DPP6: variants seen among roughly 807,000 people sequenced by gnomAD.
DPP6 encodes the protein dipeptidyl peptidase like 6.
A neutral mutation model predicts 122.6 loss-of-function variants in DPP6; 69 were observed. The observed-to-expected ratio is 0.56, with a 90% CI of 0.46 to 0.69. DPP6 has a LOEUF of 0.69. Ranked by LOEUF, DPP6 falls within the 30% of genes least tolerant of loss-of-function variation. The pLI is 0.00. For missense variants in DPP6, 928 were observed against 1,116.9 expected, an observed-to-expected ratio of 0.83 and a Z score of 2.41; for synonymous variants, 418 against 433.1, an observed-to-expected ratio of 0.97 and a Z score of 0.43.
intron 1 of DPP6, among the ~76,000 whole-genome samples, chr7:154,372,974 C>T (rs961845189): frequency 1.3e-5 from 2 of 152,306 alleles, no homozygotes; most frequent in Non-Finnish European, 2.9e-5. Context: ...AAATGGAGTT[C>T]GCGTCTCTTC....
intron 1 of DPP6, among the ~76,000 whole-genome samples, chr7:154,337,330 C>T (rs1256890158): frequency 1.3e-5 from 2 of 152,200 alleles, no homozygotes; most frequent in African/African-American, 2.4e-5. Flanking sequence ...CCTAAATTAT[C>T]CCTATTCTTT....
chr7:153,825,994 A>C, the DPP6 span, among the ~76,000 whole-genome samples: 1 of 152,212 alleles, frequency 6.6e-6, no homozygotes, highest in Non-Finnish European at 1.5e-5. Flanking sequence ...GTAAATTGTT[A>C]AGCATGCTTG....
chr7:154,008,625 A>G (rs1004909590), intron 1 of DPP6, among the ~76,000 whole-genome samples: 32 of 151,770 alleles, frequency 2.1e-4, no homozygotes, highest in African/African-American at 5.8e-4. Flanking sequence ...GGCAGCTGCA[A>G]TAAGTACAGT....
At chr7:153,994,970 T>G (rs1797355808) in intron 1 of DPP6, among the ~76,000 whole-genome samples, 1 of 152,230 alleles carries the variant, frequency 6.6e-6, no homozygotes, top group South Asian at 2.1e-4. Flanking sequence ...TGAGTTTGTC[T>G]TCTCAATATG....
intron 1 of DPP6, among the ~76,000 whole-genome samples, chr7:154,071,583 T>TA (rs1382337530): frequency 1.3e-5 from 2 of 152,014 alleles, no homozygotes; most frequent in Non-Finnish European, 2.9e-5. Flanking sequence ...AATTAGGCGA[T>TA]AAGCCAGTTG....
Position 154,793,418 on chromosome 7 carries a change from T to C in DPP6, c.1137-661T>C, listed in dbSNP as rs947737341. ...AAGCCCCGGTACCCCTCGGGCTAAG[T>C]AGAGAGCCGCACAGAGCCTGTGGTA... On this transcript the variant is annotated intron_variant, in intron 10 of 25. Transcript: ENST00000377770. 4.6e-5 allele frequency among the ~76,000 whole-genome samples: 7 copies of C among 152,084 alleles called. No individual in the cohort carries two copies. In the South Asian group the frequency reaches 1.4e-3, roughly 31 times the overall value.
At chr7:154,354,275 A>C (rs146860976) in intron 1 of DPP6, among the ~76,000 whole-genome samples, 2 of 152,346 alleles carry the variant, frequency 1.3e-5, no homozygotes, top group East Asian at 3.9e-4. Context: ...TAGTAATAAT[A>C]GCCAACATTT....
chr7:153,951,326 G>A (rs934505695), intron 1 of DPP6, among the ~76,000 whole-genome samples: 2 of 152,190 alleles, frequency 1.3e-5, no homozygotes, highest in African/African-American at 4.8e-5. Context: ...GGGGGAGAGT[G>A]AGGGAGAATA....
At chr7:154,515,691 A>G (rs190118525) in intron 3 of DPP6, among the ~76,000 whole-genome samples, 3 of 152,242 alleles carry the variant, frequency 2.0e-5, no homozygotes, top group East Asian at 3.9e-4. Context: ...GTTAGCCAGG[A>G]TGGTCTCGAA....
intron 3 of DPP6, among the ~76,000 whole-genome samples, chr7:154,537,915 T>C (rs1424136676): frequency 2.0e-5 from 3 of 152,034 alleles, no homozygotes. Context: ...TAATATACAC[T>C]AGAATCGTGT....
At chr7:154,293,202 G>T (rs990602830) in intron 1 of DPP6, among the ~76,000 whole-genome samples, 2 of 152,126 alleles carry the variant, frequency 1.3e-5, no homozygotes, top group African/African-American at 4.8e-5. Flanking sequence ...TAAGTCATAG[G>T]TAATACTTAG....
intron 1 of DPP6, among the ~76,000 whole-genome samples, chr7:154,288,466 C>A (rs1262006562): frequency 6.6e-6 from 1 of 152,220 alleles, no homozygotes; most frequent in Non-Finnish European, 1.5e-5. Context: ...TGTGTGACCT[C>A]AGACCAGGAG....
chr7:154,444,930 G>C lies in DPP6; in HGVS notation c.244-1284G>C, dbSNP rs546554993. Among the ~76,000 whole-genome samples, 10 of 152,330 alleles carry C rather than the reference G, an allele frequency of 6.6e-5. No homozygotes were observed. The South Asian group carries it at 1.2e-3, about 19-fold the overall frequency. On this transcript the variant is annotated intron_variant, in intron 1 of 25. Coordinates refer to ENST00000377770, the MANE Select transcript of DPP6 (RefSeq NM_130797.4). Reference sequence around the variant, plus strand: ...AAGCTACTCTCTGTAGATGAATTAAGTTATAGATGGCAAATATGAAGACTT... The same window carrying C: ...AAGCTACTCTCTGTAGATGAATTAACTTATAGATGGCAAATATGAAGACTT...
Position 154,803,742 on chromosome 7 carries a change from C to A in DPP6, c.1408-122C>A, listed in dbSNP as rs1259537305. ...AGGAGCAGGCAGAAGGGGCAGAGAG[C>A]CCTTCCCACAGAGAGAATGGCAGCC... On this transcript the variant is annotated intron_variant, in intron 13 of 25. Coordinates refer to ENST00000377770, the MANE Select transcript of DPP6 (RefSeq NM_130797.4). The A allele has an allele frequency of 4.2e-6, 6 of 1,413,830 alleles. No individual in the cohort carries two copies. In the East Asian group the frequency reaches 1.5e-4, roughly 36 times the overall value. 87.6% of individuals were successfully genotyped at this position (1,413,830 alleles called of 1,614,324 possible).
chr7:154,837,370 A>G (rs538402755), intron 16 of DPP6, among the ~76,000 whole-genome samples: 1 of 152,282 alleles, frequency 6.6e-6, no homozygotes, highest in South Asian at 2.1e-4. Context: ...GCATACAGGC[A>G]CATTCACACA....
intron 1 of DPP6, among the ~76,000 whole-genome samples, chr7:154,298,351 C>T (rs946905298): frequency 2.0e-5 from 3 of 152,000 alleles, no homozygotes; most frequent in South Asian, 2.1e-4. Context: ...TAGAAGGCTC[C>T]GGGGCAGTGG....
rs552861961 is a variant in DPP6 at position 154,248,814 on chromosome 7, C to T, written c.243+195751C>T. Among the ~76,000 whole-genome samples, 92 of 151,486 alleles carry T rather than the reference C, an allele frequency of 6.1e-4. 1 individual carries two copies. Among genetic ancestry groups the T allele is most frequent in the Non-Finnish European group, 1.1e-3 (74 of 67,948 alleles). ...CCAGGAGACGGAGGTTGCAGTGAGC[C>T]GAGATTGCGCCACTGCACTCCAGCC... On this transcript the variant is annotated intron_variant, in intron 1 of 25. Coordinates refer to ENST00000377770, the MANE Select transcript of DPP6 (RefSeq NM_130797.4).
At chr7:154,225,910 A>G (rs1800571089) in intron 1 of DPP6, among the ~76,000 whole-genome samples, 1 of 152,166 alleles carries the variant, frequency 6.6e-6, no homozygotes, top group South Asian at 2.1e-4. Context: ...AATGCTTCAA[A>G]GCAACCTCAC....
intron 12 of DPP6, among the ~76,000 whole-genome samples, chr7:154,798,287 G>A (rs766725375): frequency 2.0e-5 from 3 of 152,184 alleles, no homozygotes; most frequent in African/African-American, 4.8e-5. Context: ...CTACAGAGCC[G>A]AGGTCGTCAG....
Sources: gnomAD v4.1 joint callset for allele counts (sites outside exome capture counted in the v4.1 genomes callset) on GRCh38, gnomAD v4.1.1 for gene constraint, MANE v1.5 for transcripts, NCBI Gene and HGNC (gene_info 2026-07-23, HGNC 2026-07-21) for gene names.